The following SLC25A48 variants were observed in gnomAD, a reference collection of about 807,000 sequenced individuals.
The protein encoded by SLC25A48 is CTC-321K16.1.
In SLC25A48, 29 loss-of-function variants were observed where a neutral mutation model predicts 32.2. The ratio of observed to expected loss-of-function variants is 0.90; its 90% CI spans 0.67 to 1.23. The LOEUF is 1.23. Ranked by LOEUF, SLC25A48 falls within the 50% of genes most tolerant of loss-of-function variation. The pLI is 0.00. For missense variants in SLC25A48, 399 were observed against 422.7 expected (o/e 0.94, Z 0.49); for synonymous variants, 164 against 172.3 (o/e 0.95, Z 0.38).
chr5:135,871,254 G>A (rs903181124), intron 4 of SLC25A48, among the ~76,000 whole-genome samples: 2 of 152,150 alleles, frequency 1.3e-5, no homozygotes, highest in Non-Finnish European at 2.9e-5. Flanking sequence ...GGCTGAGATC[G>A]TCCCCAGTCT....
intron 3 of SLC25A48, among the ~76,000 whole-genome samples, chr5:135,768,963 T>C (rs1030985988): frequency 2.6e-5 from 4 of 151,548 alleles, no homozygotes; most frequent in Admixed American, 6.6e-5. Context: ...GTAATATTCA[T>C]AGGGGGAGAG....
intron 4 of SLC25A48, among the ~76,000 whole-genome samples, chr5:135,821,286 C>T (rs1232835166): frequency 6.6e-6 from 1 of 152,198 alleles, no homozygotes; most frequent in Admixed American, 6.5e-5. Context: ...ATCATCAGCC[C>T]TCCCATGACT....
intron 1 of SLC25A48, chr5:135,609,685 A>G (rs1041386096): frequency 6.6e-6 from 1 of 152,240 alleles, no homozygotes; most frequent in Admixed American, 6.5e-5. Context: ...CATGGGAAGT[A>G]ACCTGAGACC....
At chr5:135,860,151 A>G (rs1435017864) in intron 4 of SLC25A48, among the ~76,000 whole-genome samples, 1 of 152,192 alleles carries the variant, frequency 6.6e-6, no homozygotes, top group Non-Finnish European at 1.5e-5. Context: ...TAAAGTCAAA[A>G]GGGGGATTGG....
chr5:135,756,386 A>C (rs1237186716), intron 3 of SLC25A48, among the ~76,000 whole-genome samples: 1 of 152,136 alleles, frequency 6.6e-6, no homozygotes, highest in Non-Finnish European at 1.5e-5. Context: ...AACACACTAT[A>C]ATATTAGTAA....
rs144082205 is a variant in SLC25A48 at position 135,709,689 on chromosome 5, T to A, written c.-521+74733T>A. 2.3e-3 allele frequency among the ~76,000 whole-genome samples: 357 copies of A among 152,330 alleles called. 2 individuals are homozygous for A. Among genetic ancestry groups the A allele is most frequent in the African/African-American group, 8.3e-3 (347 of 41,578 alleles). ...TTGAATCTTGGCTTGCTGACTATGTTACTTAACCTTTCTGAACTCTAGTTT... is the reference window on the plus strand; with the variant it reads ...TTGAATCTTGGCTTGCTGACTATGTAACTTAACCTTTCTGAACTCTAGTTT... On this transcript the variant is annotated intron_variant, in intron 3 of 10. Coordinates refer to the SLC25A48 transcript ENST00000646290.
In SLC25A48 at chr5:135,664,562, T is replaced by C. The variant is rs529559733; in HGVS notation, c.-521+29606T>C. On this transcript the variant is annotated intron_variant, in intron 3 of 10. Transcript: ENST00000646290. ...CAAGCAGTTTACATTGTACCCAATA[T>C]ACAGTTTTTTATTCCTCACCCCCAA... is the stretch of plus-strand genomic sequence containing the variant. Among the ~76,000 whole-genome samples, 44 of 152,324 alleles carry C rather than the reference T, an allele frequency of 2.9e-4. 1 individual carries two copies. In the South Asian group the frequency reaches 7.9e-3, roughly 27 times the overall value.
intron 7 of SLC25A48, among the ~76,000 whole-genome samples, chr5:135,881,971 A>G (rs1157495170): frequency 2.0e-5 from 3 of 152,234 alleles, no homozygotes; most frequent in African/African-American, 7.2e-5. Flanking sequence ...ATGCCTGCCC[A>G]ACCTGTCGTA....
At chr5:135,829,364 A>C (rs1205315019) in intron 4 of SLC25A48, among the ~76,000 whole-genome samples, 1 of 152,204 alleles carries the variant, frequency 6.6e-6, no homozygotes, top group Non-Finnish European at 1.5e-5. Flanking sequence ...GCCTTCAGTC[A>C]GGCGGACAGC....
chr5:135,689,967 G>T (rs1489278622), intron 3 of SLC25A48, among the ~76,000 whole-genome samples: 1 of 152,204 alleles, frequency 6.6e-6, no homozygotes, highest in East Asian at 1.9e-4. Flanking sequence ...CGAGGACTGG[G>T]TAAGGAGAGG....
intron 1 of SLC25A48, among the ~76,000 whole-genome samples, chr5:135,619,272 G>C (rs1030513512): frequency 6.6e-6 from 1 of 151,724 alleles, no homozygotes; most frequent in Admixed American, 6.6e-5. Flanking sequence ...TCTTTCTTCT[G>C]TTTGATCTAA....
intron 3 of SLC25A48, among the ~76,000 whole-genome samples, chr5:135,796,284 G>A (rs138690287): frequency 1.6e-4 from 24 of 151,748 alleles, no homozygotes; most frequent in African/African-American, 5.8e-4. Flanking sequence ...AATATTCAGC[G>A]GGGGAGACGG....
chr5:135,674,369 ACTT>A (rs1753722417), intron 3 of SLC25A48, among the ~76,000 whole-genome samples: 2 of 152,106 alleles, frequency 1.3e-5, no homozygotes, highest in South Asian at 4.1e-4. Context: ...ATTAGAATTT[ACTT>A]CTTCTATCTA....
At chr5:135,777,793 G>T (rs903162613) in intron 3 of SLC25A48, among the ~76,000 whole-genome samples, 5 of 151,004 alleles carry the variant, frequency 3.3e-5, no homozygotes, top group African/African-American at 4.9e-5. Context: ...CCGGGGGGGG[G>T]GGGAATGTTA....
chr5:135,869,818 C>T (rs1271476258), intron 4 of SLC25A48, among the ~76,000 whole-genome samples: 1 of 152,204 alleles, frequency 6.6e-6, no homozygotes, highest in Non-Finnish European at 1.5e-5. Context: ...ACTACCCCGG[C>T]TCACCTCCTA....
intron 3 of SLC25A48, among the ~76,000 whole-genome samples, chr5:135,767,187 A>AG (rs375141112): frequency 2.8e-5 from 4 of 144,868 alleles, no homozygotes; most frequent in South Asian, 4.5e-4. Context: ...GGACAGGTAC[A>AG]CCCCCCCCCC....
chr5:135,835,226 G>A, intron 1 of SLC25A48: 1 of 556,588 alleles, frequency 1.8e-6, no homozygotes, highest in Non-Finnish European at 3.4e-6. Flanking sequence ...CAGTGACCTG[G>A]TGCACACCTG....
intron 3 of SLC25A48, among the ~76,000 whole-genome samples, chr5:135,812,349 G>A (rs1394967560): frequency 1.3e-5 from 2 of 152,058 alleles, no homozygotes; most frequent in Non-Finnish European, 2.9e-5. Flanking sequence ...ATTTTTAAAT[G>A]TGCAATGAAT....
At chr5:135,660,267 C>T (rs990267721) in intron 3 of SLC25A48, among the ~76,000 whole-genome samples, 7 of 152,208 alleles carry the variant, frequency 4.6e-5, no homozygotes, top group African/African-American at 1.7e-4. Flanking sequence ...TGAAATATCA[C>T]AACCAGAATA....
Sources: allele counts gnomAD v4.1 joint callset (sites outside exome capture counted in the v4.1 genomes callset), GRCh38; gene constraint gnomAD v4.1.1; transcripts MANE v1.5; gene names NCBI Gene and HGNC (gene_info 2026-07-23, HGNC 2026-07-21).